MYCBP2: variants seen among roughly 807,000 people sequenced by gnomAD.
The protein encoded by MYCBP2 is MYC binding protein 2.
In MYCBP2, 120 loss-of-function variants were observed where a neutral mutation model predicts 525.3. That is an observed-to-expected ratio of 0.23 (90% CI 0.20 to 0.27). The LOEUF is 0.27. Among genes scored for constraint, MYCBP2 ranks in the 10% least tolerant of loss-of-function variants. The pLI is 1.00. For synonymous variants in MYCBP2, 1,894 were observed against 1,955.8 expected, an observed-to-expected ratio of 0.97 and a Z score of 0.83; for missense variants, 4,149 against 5,657.1, an observed-to-expected ratio of 0.73 and a Z score of 8.55.
In MYCBP2 at chr13:77,243,957, G is replaced by C; in HGVS notation, c.2382-6C>G. ...CGGAACCACAACCACAGATCCTAGG[G>C]GGAAATACAAAAAAAAAAAAAAAAG... On this transcript the variant is annotated splice_region_variant and splice_polypyrimidine_tract_variant and intron_variant, in intron 15 of 82. Transcript: ENST00000544440. 1 of 1,435,982 alleles carries C rather than the reference G, an allele frequency of 7.0e-7. No homozygotes were observed. Among genetic ancestry groups the C allele is most frequent in the Non-Finnish European group, 9.1e-7 (1 of 1,096,764 alleles). 89.0% of individuals were successfully genotyped at this position (1,435,982 alleles called of 1,614,324 possible).
intron 15 of MYCBP2, among the ~76,000 whole-genome samples, chr13:77,245,739 AAAGT>A (rs1273214372): frequency 1.3e-5 from 1 of 75,190 alleles, no homozygotes; most frequent in African/African-American, 5.2e-5. Flanking sequence ...CCCAGAACGT[AAAGT>A]AACACACACA....
At chr13:77,269,917 T>C in intron 7 of MYCBP2, 75 bp downstream of exon 7, 1 of 1,081,068 alleles carries the variant, frequency 9.3e-7, no homozygotes, top group Non-Finnish European at 1.4e-6. Flanking sequence ...AGAAGTGATA[T>C]TACTGATTAA....
chr13:77,188,870 A>C (rs926717130), intron 30 of MYCBP2, 81 bp downstream of exon 30: 2 of 887,436 alleles, frequency 2.3e-6, no homozygotes, highest in African/African-American at 1.8e-5. Context: ...AGATAAACTT[A>C]CAAGAGCAGC....
In MYCBP2 at chr13:77,199,453, C is replaced by T. The variant is rs868083514; in HGVS notation, c.3844-5209G>A. 1.2e-3 allele frequency among the ~76,000 whole-genome samples: 176 copies of T among 152,246 alleles called. 1 individual carries two copies. The highest frequency in any genetic ancestry group is 3.4e-3 in the Middle Eastern group (1 of 292). The stretch of plus-strand genomic sequence containing the variant: ...CTGAGATCAAACTGCAAGGCGGCAG[C>T]GAGGCTGGGGGAGGGGCGCCCGCCA... On this transcript the variant is annotated intron_variant, in intron 26 of 82. Transcript: ENST00000544440.
At position 77,231,078 on chromosome 13, in the gene MYCBP2, T is replaced by A. The variant is rs115788844; in HGVS notation, c.2737+2078A>T. Among the ~76,000 whole-genome samples the A allele has an allele frequency of 8.7e-3, 1,326 of 152,268 alleles. 22 individuals are homozygous for A. Among genetic ancestry groups the A allele is most frequent in the African/African-American group, 0.03 (1,234 of 41,550 alleles). On this transcript the variant is annotated intron_variant, in intron 18 of 82. Coordinates refer to ENST00000544440, the MANE Select transcript of MYCBP2 (RefSeq NM_015057.5). ...TCTTCACAAAAAAATAGGGTACCAA[T>A]TGATAAATTATTATTTGCATTGTAA...
At chr13:77,258,709 G>A (rs995921715) in intron 13 of MYCBP2, among the ~76,000 whole-genome samples, 1 of 152,008 alleles carries the variant, frequency 6.6e-6, no homozygotes, top group Non-Finnish European at 1.5e-5. Context: ...AGGTAAGGGT[G>A]TGTGTATATA....
chr13:77,314,576 G>C (rs2080695292), intron 1 of MYCBP2, among the ~76,000 whole-genome samples: 1 of 151,572 alleles, frequency 6.6e-6, no homozygotes, highest in South Asian at 2.1e-4. Flanking sequence ...CAAAACTATG[G>C]AGACAGTAAG....
intron 10 of MYCBP2, 102 bp from the exon 11 acceptor site, chr13:77,262,231 T>C: frequency 1.1e-6 from 1 of 937,338 alleles, no homozygotes; most frequent in Non-Finnish European, 1.6e-6. Context: ...TCAAAATCAC[T>C]AAAAAACAAG....
At chr13:77,233,114 T>G (rs372713519) in intron 18 of MYCBP2, 42 bp downstream of exon 18, 2 of 1,528,906 alleles carry the variant, frequency 1.3e-6, no homozygotes, top group South Asian at 1.1e-5. Flanking sequence ...GTGGAAGAAA[T>G]TGGGAAAGTA....
intron 14 of MYCBP2, among the ~76,000 whole-genome samples, chr13:77,255,959 A>G (rs1594384428): frequency 2.0e-5 from 3 of 152,074 alleles, no homozygotes; most frequent in South Asian, 2.1e-4. Flanking sequence ...AGTTATAAAC[A>G]TAACGATAGC....
Position 77,262,208 on chromosome 13 carries a change from T to C in MYCBP2, c.1571-79A>G, listed in dbSNP as rs559559641. ...ATACAACATGCACTATTTTAAGTGA[T>C]TGCAATGTCAATTCAAAATCACTAA... On this transcript the variant is annotated intron_variant, in intron 10 of 82. Coordinates refer to ENST00000544440, the MANE Select transcript of MYCBP2 (RefSeq NM_015057.5). 130 of 1,151,862 alleles carry C rather than the reference T, an allele frequency of 1.1e-4. 1 individual carries two copies. The Middle Eastern group carries it at 2.6e-3, about 23-fold the overall frequency. 71.4% of individuals were successfully genotyped at this position (1,151,862 alleles called of 1,614,324 possible). A position where few individuals can be genotyped will look rare whatever the true frequency, so the allele number is the denominator to read the frequency against.
intron 2 of MYCBP2, among the ~76,000 whole-genome samples, chr13:77,289,178 C>T (rs547615534): frequency 6.6e-6 from 1 of 151,956 alleles, no homozygotes; most frequent in East Asian, 1.9e-4. Context: ...AAATATTCGA[C>T]TCTTCTTCCA....
chr13:77,146,305 T>G, intron 47 of MYCBP2, 88 bp from the exon 48 acceptor site: 24 of 846,872 alleles, frequency 2.8e-5, no homozygotes, highest in Non-Finnish European at 3.6e-5. Context: ...AATAAATGGT[T>G]GTGAGACAAC....
In MYCBP2 at chr13:77,326,929, CCTCCTCCTTCTT is replaced by C. The variant is rs1370402235; in HGVS notation, c.-166_-155del. ...ACTACAAAGACAGCGACCTCCTTCTCCTCCTCCTTCTTCTCCTCCTCCCCCCCGCGCCGCCCT... is the reference window on the plus strand; with the variant it reads ...ACTACAAAGACAGCGACCTCCTTCTCCTCCTCCTCCCCCCCGCGCCGCCCT... On this transcript the variant is annotated 5_prime_UTR_variant, in exon 1 of 83. Transcript: ENST00000544440. The surrounding 1 kb of genome is among the most constrained non-coding windows in gnomAD (Gnocchi z 4.2). 23 of 621,584 alleles carry C rather than the reference CCTCCTCCTTCTT, an allele frequency of 3.7e-5. 1 individual carries two copies. Among genetic ancestry groups the C allele is most frequent in the Non-Finnish European group, 5.0e-5 (21 of 417,048 alleles). 38.5% of individuals were successfully genotyped at this position (621,584 alleles called of 1,614,324 possible). A position where few individuals can be genotyped will look rare whatever the true frequency, so the allele number is the denominator to read the frequency against.
At chr13:77,236,249 T>C (rs968281428) in intron 17 of MYCBP2, among the ~76,000 whole-genome samples, 3 of 152,162 alleles carry the variant, frequency 2.0e-5, no homozygotes, top group Admixed American at 2.0e-4. Context: ...ATTTATTTCT[T>C]TCATTGGGAG....
At chr13:77,150,660 C>A in intron 47 of MYCBP2, 74 bp downstream of exon 47, 1 of 1,225,882 alleles carries the variant, frequency 8.2e-7, no homozygotes, top group South Asian at 1.3e-5. Context: ...ATGTCTGCAT[C>A]TGAATCACTG....
At chr13:77,178,650 G>T (rs547313390) in intron 34 of MYCBP2, among the ~76,000 whole-genome samples, 11 of 152,240 alleles carry the variant, frequency 7.2e-5, no homozygotes, top group Middle Eastern at 3.4e-3. Flanking sequence ...ATCTAACTTG[G>T]CTACAGAATT....
chr13:77,208,796 A>G (rs924468395), intron 23 of MYCBP2, among the ~76,000 whole-genome samples: 4 of 152,174 alleles, frequency 2.6e-5, no homozygotes, highest in African/African-American at 9.7e-5. Context: ...TTGTTTTTTA[A>G]AAAATAACAC....
intron 23 of MYCBP2, among the ~76,000 whole-genome samples, chr13:77,209,620 C>G (rs114564224): frequency 5.3e-4 from 81 of 152,258 alleles, no homozygotes; most frequent in African/African-American, 1.9e-3. Context: ...CTTAATACCT[C>G]ATGTCTTCAT....
Sources: gnomAD v4.1 joint callset for allele counts (sites outside exome capture counted in the v4.1 genomes callset) on GRCh38, gnomAD v4.1.1 for gene constraint, Gnocchi (gnomAD v3.1) non-coding constraint, MANE v1.5 for transcripts, NCBI Gene and HGNC (gene_info 2026-07-23, HGNC 2026-07-21) for gene names.